The following DOCK11 variants were observed in gnomAD, a reference collection of about 807,000 sequenced individuals.
The protein encoded by DOCK11 is dedicator of cytokinesis 11, also known as dedicator of cytokinesis protein 11.
In DOCK11, 70 loss-of-function variants were observed where a neutral mutation model predicts 169.1. The ratio of observed to expected loss-of-function variants is 0.41; its 90% CI spans 0.34 to 0.51. The LOEUF (loss-of-function observed/expected upper bound fraction) is 0.51, where lower values mean the gene tolerates loss of function less well. DOCK11 is among the 20% of genes least tolerant of loss of function. The pLI is 0.10. For synonymous variants in DOCK11, 529 were observed against 541.3 expected (o/e 0.98, Z 0.32); for missense variants, 1,166 against 1,538.8 (o/e 0.76, Z 4.05).
At chrX:118,648,148 AAT>A (rs1313482671) in intron 40 of DOCK11, among the ~76,000 whole-genome samples, 1 of 73,154 alleles carries the variant, frequency 1.4e-5, no homozygotes, top group African/African-American at 5.8e-5. Flanking sequence ...TATATAAATT[AAT>A]ATATAATAAT....
chrX:118,568,069 A>T lies in DOCK11; in HGVS notation c.952-10A>T, dbSNP rs1450637315. 1 of 1,073,926 alleles carries T rather than the reference A, an allele frequency of 9.3e-7. No individual in the cohort carries two copies. The highest frequency in any genetic ancestry group is 1.3e-6 in the Non-Finnish European group (1 of 794,467). 88.5% of individuals were successfully genotyped at this position (1,073,926 alleles called of 1,213,427 possible). A position where few individuals can be genotyped will look rare whatever the true frequency, so the allele number is the denominator to read the frequency against. ...AAATGAAGTAACATACTTATTTTTT[A>T]AAATTTTAGTATGGAAGAGAAACTG... is the stretch of plus-strand genomic sequence containing the variant. On this transcript the variant is annotated splice_polypyrimidine_tract_variant and intron_variant, in intron 9 of 52. Transcript: ENST00000276202.
chrX:118,660,183 G>A (rs915734603), intron 44 of DOCK11, among the ~76,000 whole-genome samples: 5 of 111,970 alleles, frequency 4.5e-5, no homozygotes, highest in Non-Finnish European at 9.4e-5. Context: ...GCTAGTCTGA[G>A]AACTATTTAT....
intron 45 of DOCK11, among the ~76,000 whole-genome samples, chrX:118,668,498 T>C (rs968545064): frequency 9.0e-5 from 10 of 111,250 alleles, no homozygotes. Context: ...GTCCCAAAAT[T>C]GCTGGAAATT....
At chrX:118,505,198 T>C (rs1421582005) in intron 1 of DOCK11, among the ~76,000 whole-genome samples, 1 of 111,638 alleles carries the variant, frequency 9.0e-6, no homozygotes, top group African/African-American at 3.3e-5. Flanking sequence ...CTAAGTTTTG[T>C]GTTTTTAGTA....
At chrX:118,526,350 C>T (rs768011735) in intron 1 of DOCK11, among the ~76,000 whole-genome samples, 2 of 112,382 alleles carry the variant, frequency 1.8e-5, no homozygotes, top group South Asian at 7.3e-4. Flanking sequence ...CTCTTGTTTC[C>T]TCTCTCAGCT....
intron 35 of DOCK11, among the ~76,000 whole-genome samples, chrX:118,631,598 AT>A (rs1054871714): frequency 9.0e-6 from 1 of 111,616 alleles, no homozygotes; most frequent in Non-Finnish European, 1.9e-5. Flanking sequence ...TGGGCTATTT[AT>A]GTGGGCATTT....
At chrX:118,642,384 G>T (rs1001645775) in intron 39 of DOCK11, among the ~76,000 whole-genome samples, 9 of 111,632 alleles carry the variant, frequency 8.1e-5, no homozygotes, top group African/African-American at 2.9e-4. Flanking sequence ...GGATTGCGGT[G>T]GTCACCCAAC....
chrX:118,567,723 G>A (rs752429223), intron 9 of DOCK11, among the ~76,000 whole-genome samples: 25 of 111,715 alleles, frequency 2.2e-4, no homozygotes, highest in Non-Finnish European at 3.8e-4. Context: ...ATGAACCACT[G>A]TGCCTGGCCT....
intron 34 of DOCK11, 51 bp from the exon 35 acceptor site, chrX:118,630,328 G>A (rs1353708812): frequency 2.6e-6 from 2 of 778,597 alleles, no homozygotes; most frequent in Non-Finnish European, 3.8e-6. Context: ...CTGAGTTAAA[G>A]GCTGTGGAAA....
intron 1 of DOCK11, among the ~76,000 whole-genome samples, chrX:118,533,244 G>A (rs2011644721): frequency 9.0e-6 from 1 of 111,280 alleles, no homozygotes; most frequent in Admixed American, 9.5e-5. Context: ...TGCCCACCAC[G>A]GCCTCCCAAA....
intron 1 of DOCK11, among the ~76,000 whole-genome samples, chrX:118,529,832 G>C (rs1477064340): frequency 9.0e-6 from 1 of 110,957 alleles, no homozygotes; most frequent in Admixed American, 9.6e-5. Flanking sequence ...CAGGCAGAGA[G>C]GTCAGGATCA....
At chrX:118,676,127 A>C (rs1290644084) in intron 47 of DOCK11, 78 bp downstream of exon 47, 5 of 652,011 alleles carry the variant, frequency 7.7e-6, no homozygotes, top group Non-Finnish European at 9.4e-6. Context: ...AGCAGCTAGG[A>C]GTCTATCCAG....
chrX:118,553,232 T>C (rs2147362221), intron 6 of DOCK11, among the ~76,000 whole-genome samples: 1 of 112,355 alleles, frequency 8.9e-6, no homozygotes, highest in Admixed American at 9.5e-5. Context: ...CTTCTTTTCA[T>C]ATCAATGAAG....
chrX:118,664,288 A>ATTC (rs1426041251), intron 45 of DOCK11, among the ~76,000 whole-genome samples: 1 of 111,073 alleles, frequency 9.0e-6, no homozygotes, highest in African/African-American at 3.3e-5. Flanking sequence ...AAAAGTGATG[A>ATTC]ATTTCATTTT....
intron 23 of DOCK11, among the ~76,000 whole-genome samples, chrX:118,604,678 C>T (rs899634607): frequency 3.6e-5 from 4 of 110,051 alleles, no homozygotes; most frequent in African/African-American, 9.9e-5. Context: ...ATGTTTGTAA[C>T]GCACTTATCA....
intron 1 of DOCK11, among the ~76,000 whole-genome samples, chrX:118,526,501 C>T (rs754971651): frequency 8.9e-6 from 1 of 112,005 alleles, no homozygotes; most frequent in African/African-American, 3.2e-5. Flanking sequence ...ACAGTCTGAA[C>T]GTGAGTGCTC....
chrX:118,622,624 A>G (rs1001369743), intron 31 of DOCK11, among the ~76,000 whole-genome samples: 1 of 111,630 alleles, frequency 9.0e-6, no homozygotes. Context: ...TTTATTGAGG[A>G]CTCACTATAT....
intron 6 of DOCK11, among the ~76,000 whole-genome samples, chrX:118,551,584 G>A (rs2012495069): frequency 1.8e-5 from 2 of 110,461 alleles, no homozygotes; most frequent in Admixed American, 1.9e-4. Context: ...TGTATTTGCA[G>A]CTACTTGAGA....
intron 1 of DOCK11, among the ~76,000 whole-genome samples, chrX:118,519,806 T>C (rs539097377): frequency 1.8e-5 from 2 of 112,002 alleles, no homozygotes; most frequent in South Asian, 7.4e-4. Context: ...AATTTTGTAA[T>C]GCAAGTAACC....
Sources: allele counts gnomAD v4.1 joint callset (sites outside exome capture counted in the v4.1 genomes callset), GRCh38; gene constraint gnomAD v4.1.1; transcripts MANE v1.5; gene names NCBI Gene and HGNC (gene_info 2026-07-23, HGNC 2026-07-21).